HTR5A: variants seen among roughly 807,000 people sequenced by gnomAD.
HTR5A encodes the protein 5-hydroxytryptamine receptor 5A.
In HTR5A, 21 loss-of-function variants were observed where a neutral mutation model predicts 24.3. The observed-to-expected ratio is 0.86, with a 90% CI of 0.61 to 1.24. The LOEUF (loss-of-function observed/expected upper bound fraction) is 1.24, where lower values mean the gene tolerates loss of function less well. Among genes scored for constraint, HTR5A ranks in the 50% most tolerant of loss-of-function variants. HTR5A has a pLI of 0.00. For synonymous variants in HTR5A, 260 were observed against 213.7 expected, an observed-to-expected ratio of 1.22 and a Z score of -1.89; for missense variants, 497 against 489.5, an observed-to-expected ratio of 1.02 and a Z score of -0.15.
At chr7:155,080,896 T>A (rs960594438) in intron 1 of HTR5A, among the ~76,000 whole-genome samples, 4 of 152,136 alleles carry the variant, frequency 2.6e-5, no homozygotes, top group Non-Finnish European at 5.9e-5. Flanking sequence ...TGCTCAGAAG[T>A]GTGTTTATTG....
chr7:155,081,846 A>T lies in HTR5A; in HGVS notation c.742-2309A>T, dbSNP rs1490449272. Among the ~76,000 whole-genome samples the T allele has an allele frequency of 2.0e-5, 3 of 152,346 alleles. No homozygotes were observed. In the East Asian group the frequency reaches 5.8e-4, roughly 29 times the overall value. ...TCTATTGTCCCAGGGGTACCATTTT[A>T]AATCAGTGTCACTCTTTCTTCTGTC... On this transcript the variant is annotated intron_variant, in intron 1 of 1. Coordinates refer to ENST00000287907, the MANE Select transcript of HTR5A (RefSeq NM_024012.4).
intron 1 of HTR5A, among the ~76,000 whole-genome samples, chr7:155,072,202 A>G (rs1283058604): frequency 6.6e-6 from 1 of 152,138 alleles, no homozygotes. Flanking sequence ...GGTTACTGTC[A>G]TTCTGTGGCA....
rs980148525 is a variant in HTR5A, at chr7:155,084,598, A to T, written c.*111A>T. 5.7e-6 allele frequency: 5 copies of T among 876,300 alleles called. No homozygotes were observed. In the African/African-American group the frequency reaches 6.7e-5, roughly 12 times the overall value. 54.3% of individuals were successfully genotyped at this position (876,300 alleles called of 1,614,324 possible). ...CATGTGGACGGGATGAATCCTCACC[A>T]TTCTCCAGGGTCATCTTCAGAACTG... On this transcript the variant is annotated 3_prime_UTR_variant, in exon 2 of 2. Coordinates refer to ENST00000287907, the MANE Select transcript of HTR5A (RefSeq NM_024012.4).
rs945498971 is a variant in HTR5A, at chr7:155,070,980, C to T, written c.81C>T (p.Asp27=). ...PLETNHSLGK[D]DLRPSSPLLS... ...AGACCAACCACAGCCTCGGCAAAGACGACCTGCGCCCCAGCTCGCCCCTGC... is the reference window on the plus strand; with the variant it reads ...AGACCAACCACAGCCTCGGCAAAGATGACCTGCGCCCCAGCTCGCCCCTGC... The change falls in exon 1 of 2, where the codon GAC becomes GAT. Residue 27 remains aspartate, a synonymous_variant. Transcript: ENST00000287907. 9 of 1,611,636 alleles carry T rather than the reference C, an allele frequency of 5.6e-6. No individual in the cohort carries two copies. Among genetic ancestry groups the T allele is most frequent in the Non-Finnish European group, 5.9e-6 (7 of 1,180,016 alleles).
Position 155,070,856 on chromosome 7 carries a change from A to G in HTR5A, c.-44A>G, listed in dbSNP as rs777188084. On this transcript the variant is annotated 5_prime_UTR_variant, in exon 1 of 2. Coordinates refer to ENST00000287907, the MANE Select transcript of HTR5A (RefSeq NM_024012.4). ...CAGTGGCCGCCTTAAGTCCTCCTGA[A>G]CACCCCTTCTGCAAGTACCCCAGGG... The G allele has an allele frequency of 6.4e-7, 1 of 1,557,874 alleles. No individual in the cohort carries two copies. The highest frequency in any genetic ancestry group is 1.2e-5 in the South Asian group (1 of 84,192).
At chr7:155,075,884 TG>T (rs1439589322) in intron 1 of HTR5A, among the ~76,000 whole-genome samples, 3 of 152,202 alleles carry the variant, frequency 2.0e-5, no homozygotes, top group Non-Finnish European at 4.4e-5. Flanking sequence ...ACTGTTTAAA[TG>T]GGGTCATTAT....
intron 1 of HTR5A, among the ~76,000 whole-genome samples, chr7:155,076,718 A>G (rs1795362900): frequency 6.6e-6 from 1 of 152,182 alleles, no homozygotes; most frequent in African/African-American, 2.4e-5. Context: ...GTAACCATGA[A>G]CCATTATCAA....
chr7:155,080,399 C>G (rs1388048883), intron 1 of HTR5A, among the ~76,000 whole-genome samples: 1 of 152,126 alleles, frequency 6.6e-6, no homozygotes, highest in Non-Finnish European at 1.5e-5. Context: ...CAATAAGAGC[C>G]CAGTGAAACT....
Position 155,071,170 on chromosome 7 carries a change from G to A in HTR5A, c.271G>A (p.Ala91Thr), listed in dbSNP as rs750596202. 1.2e-6 allele frequency: 2 copies of A among 1,602,998 alleles called. No homozygotes were observed. Among genetic ancestry groups the A allele is most frequent in the Non-Finnish European group, 1.7e-6 (2 of 1,179,852 alleles). ...GGCCGTCTCGGATGTCCTGGTGGCC[G>A]CGCTGGTCATGCCGCTGAGCCTGGT... The part of the protein sequence containing the change: ...SMAVSDVLVA[A>T]LVMPLSLVHE... The change falls in exon 1 of 2, where the codon GCG becomes ACG. Residue 91 changes from alanine (A) to threonine (T), a missense_variant. Coordinates refer to ENST00000287907, the MANE Select transcript of HTR5A (RefSeq NM_024012.4).
intron 1 of HTR5A, among the ~76,000 whole-genome samples, chr7:155,082,165 C>T (rs576009916): frequency 1.8e-4 from 28 of 152,006 alleles, no homozygotes; most frequent in South Asian, 4.2e-4. Context: ...ACAGTGTGAA[C>T]GACATCCACA....
chr7:155,077,645 G>A (rs1795373202), intron 1 of HTR5A, among the ~76,000 whole-genome samples: 1 of 151,836 alleles, frequency 6.6e-6, no homozygotes, highest in African/African-American at 2.4e-5. Context: ...TGTATTTTTA[G>A]TACAGACAGG....
Position 155,070,788 on chromosome 7 carries a change from C to A in HTR5A, c.-112C>A. On this transcript the variant is annotated 5_prime_UTR_variant, in exon 1 of 2. Transcript: ENST00000287907. ...TTCACAGGCACTTTCCAGAAACTCC[C>A]CCACTGGCCAGAGGTTGCAAACATC... 8.8e-7 allele frequency: 1 copy of A among 1,134,368 alleles called. No homozygotes were observed. Among genetic ancestry groups the A allele is most frequent in the East Asian group, 2.4e-5 (1 of 42,116 alleles). 70.3% of individuals were successfully genotyped at this position (1,134,368 alleles called of 1,614,324 possible).
chr7:155,083,091 G>T (rs973917269), intron 1 of HTR5A, among the ~76,000 whole-genome samples: 69 of 142,428 alleles, frequency 4.8e-4, no homozygotes, highest in Non-Finnish European at 8.7e-4. Context: ...CCATGTGATA[G>T]TAAGTCAGTT....
chr7:155,084,629 G>C lies in HTR5A; in HGVS notation c.*142G>C, dbSNP rs1244525241. ...CAGGGTCATCTTCAGAACTGCACTG[G>C]CCTCTTTTCCACCTCCTCAGTAGGA... On this transcript the variant is annotated 3_prime_UTR_variant, in exon 2 of 2. Coordinates refer to ENST00000287907, the MANE Select transcript of HTR5A (RefSeq NM_024012.4). 5 of 699,478 alleles carry C rather than the reference G, an allele frequency of 7.1e-6. No individual in the cohort carries two copies. Among genetic ancestry groups the C allele is most frequent in the Non-Finnish European group, 1.2e-5 (5 of 419,884 alleles). The allele number at this position is 699,478 out of a possible 1,614,324, so 43.3% of individuals were successfully genotyped here. A position where few individuals can be genotyped will look rare whatever the true frequency, so the allele number is the denominator to read the frequency against.
At chr7:155,080,153 A>G (rs538799975) in intron 1 of HTR5A, among the ~76,000 whole-genome samples, 2 of 152,352 alleles carry the variant, frequency 1.3e-5, no homozygotes, top group East Asian at 3.9e-4. Flanking sequence ...ACAACACACA[A>G]GCAAGGCAAG....
intron 1 of HTR5A, among the ~76,000 whole-genome samples, chr7:155,076,793 A>G (rs1247460276): frequency 6.6e-6 from 1 of 152,216 alleles, no homozygotes; most frequent in Non-Finnish European, 1.5e-5. Flanking sequence ...TGTGGTATAT[A>G]AGATTTAAAG....
intron 1 of HTR5A, among the ~76,000 whole-genome samples, chr7:155,073,132 A>G (rs1198882232): frequency 6.6e-6 from 1 of 151,992 alleles, no homozygotes; most frequent in Non-Finnish European, 1.5e-5. Context: ...CATTCTGGCT[A>G]ACATGGTGAA....
chr7:155,071,550 C>G lies in HTR5A; in HGVS notation c.651C>G (p.Leu217=), dbSNP rs746844217. 6.2e-7 allele frequency: 1 copy of G among 1,614,172 alleles called. No homozygotes were observed. Among genetic ancestry groups the G allele is most frequent in the South Asian group, 1.1e-5 (1 of 91,082 alleles). Residue 217 remains leucine, a synonymous_variant, in exon 1 of 2, where the codon CTC becomes CTG. Coordinates refer to ENST00000287907, the MANE Select transcript of HTR5A (RefSeq NM_024012.4). ...TCTACCTGCCGCTCTGTGTGGTGCT[C>G]TTCGTGTACTGGAAGATCTACAAGG... ...GAFYLPLCVV[L]FVYWKIYKAA...
At chr7:155,072,054 A>G (rs1464319693) in intron 1 of HTR5A, among the ~76,000 whole-genome samples, 2 of 152,120 alleles carry the variant, frequency 1.3e-5, no homozygotes, top group Non-Finnish European at 2.9e-5. Context: ...TTCCAGGAGG[A>G]GGGGAGGCAG....
Sources: gnomAD v4.1 joint callset for allele counts (sites outside exome capture counted in the v4.1 genomes callset) on GRCh38, gnomAD v4.1.1 for gene constraint, MANE v1.5 for transcripts, NCBI Gene and HGNC (gene_info 2026-07-23, HGNC 2026-07-21) for gene names.